Variants in GPR158 observed in about 807,000 individuals in gnomAD.
The protein encoded by GPR158 is G protein-coupled receptor 158, also known as metabotropic glycine receptor.
In GPR158, 30 loss-of-function variants were observed where a neutral mutation model predicts 78.2. The ratio of observed to expected loss-of-function variants is 0.38; its 90% CI spans 0.29 to 0.52. The LOEUF is 0.52. Ranked by LOEUF, GPR158 falls within the 20% of genes least tolerant of loss-of-function variation. The pLI, the probability that GPR158 is intolerant of heterozygous loss-of-function variation, is 0.83. For missense variants in GPR158, 1,463 were observed against 1,523.5 expected, an observed-to-expected ratio of 0.96 and a Z score of 0.66; for synonymous variants, 581 against 591.1, an observed-to-expected ratio of 0.98 and a Z score of 0.25.
intron 2 of GPR158, among the ~76,000 whole-genome samples, chr10:25,371,793 A>C (rs10741082): frequency 7.7e-6 from 1 of 130,064 alleles, no homozygotes; most frequent in East Asian, 2.0e-4. Context: ...GACATAGGCA[A>C]GGGCAAAGAC....
At chr10:25,509,372 T>G (rs1836053952) in intron 5 of GPR158, among the ~76,000 whole-genome samples, 3 of 152,174 alleles carry the variant, frequency 2.0e-5, no homozygotes, top group Admixed American at 2.0e-4. Context: ...AGCTTAGGCA[T>G]AAAACAGCTA....
At chr10:25,435,793 G>A (rs191657084) in intron 4 of GPR158, among the ~76,000 whole-genome samples, 1 of 152,320 alleles carries the variant, frequency 6.6e-6, no homozygotes, top group Non-Finnish European at 1.5e-5. Flanking sequence ...AGGGACAAGT[G>A]TAAAAGTGGG....
intron 5 of GPR158, among the ~76,000 whole-genome samples, chr10:25,524,099 A>G (rs1335472221): frequency 6.6e-6 from 1 of 152,228 alleles, no homozygotes; most frequent in African/African-American, 2.4e-5. Flanking sequence ...ATATTTACAA[A>G]TCTAATAAAA....
chr10:25,456,901 T>A (rs749214674), intron 4 of GPR158, among the ~76,000 whole-genome samples: 47 of 152,218 alleles, frequency 3.1e-4, no homozygotes, highest in South Asian at 2.1e-4. Context: ...ATCTTTAGAG[T>A]TTAATTATTA....
intron 1 of GPR158, among the ~76,000 whole-genome samples, chr10:25,187,888 C>T (rs535544031): frequency 1.2e-4 from 19 of 152,282 alleles, no homozygotes; most frequent in East Asian, 1.2e-3. Context: ...AAAACCCCAT[C>T]GTCTCAGCCC....
chr10:25,594,377 G>T lies in GPR158; in HGVS notation c.1978G>T (p.Gly660Trp). 6.4e-7 allele frequency: 1 copy of T among 1,551,424 alleles called. No individual in the cohort carries two copies. Residue 660 changes from glycine (G) to tryptophan (W), a missense_variant, in exon 9 of 11, where the codon GGG becomes TGG. Gly to Trp is a radical substitution (Grantham distance 184, BLOSUM62 -2). Transcript: ENST00000376351. The stretch of plus-strand genomic sequence containing the variant: ...TCATTTGACTGTGACAGTCACCATT[G>T]GGTTGCTTTTGATTCCAAAGGTATT... ...HTHLTVTVTI[G>W]LLLIPKFSHS...
chr10:25,466,815 C>CACA, intron 5 of GPR158, 96 bp downstream of exon 5: 2 of 547,294 alleles, frequency 3.7e-6, no homozygotes, highest in Non-Finnish European at 6.2e-6. Context: ...CATACACACA[C>CACA]CCTGGTGTTA....
rs138559717 is a variant in GPR158 at position 25,343,045 on chromosome 10, G to A, written c.1009-52866G>A. ...TGAAAGTCTCTGATTTGAGTAAACA[G>A]AGACTGATTAGATTATGAGCAAACT... On this transcript the variant is annotated intron_variant, in intron 2 of 10. Transcript: ENST00000376351. Among the ~76,000 whole-genome samples, 53 of 152,042 alleles carry A rather than the reference G, an allele frequency of 3.5e-4. No homozygotes were observed. In the East Asian group the frequency reaches 9.7e-3, roughly 28 times the overall value.
chr10:25,449,062 A>G (rs1426951671), intron 4 of GPR158, among the ~76,000 whole-genome samples: 1 of 152,220 alleles, frequency 6.6e-6, no homozygotes, highest in Admixed American at 6.5e-5. Context: ...ATTTTATGAC[A>G]TCATATTATT....
chr10:25,478,663 AC>A (rs1835622303), intron 5 of GPR158, among the ~76,000 whole-genome samples: 1 of 151,906 alleles, frequency 6.6e-6, no homozygotes, highest in Non-Finnish European at 1.5e-5. Context: ...TTTTTATTAT[AC>A]TTTAAGTTCT....
chr10:25,577,051 A>G (rs1232582989), intron 7 of GPR158, among the ~76,000 whole-genome samples: 1 of 152,092 alleles, frequency 6.6e-6, no homozygotes, highest in Non-Finnish European at 1.5e-5. Context: ...CATCTGAGAC[A>G]TGTGGCTGTT....
chr10:25,309,366 A>G (rs1854730005), intron 2 of GPR158, among the ~76,000 whole-genome samples: 1 of 151,748 alleles, frequency 6.6e-6, no homozygotes, highest in Admixed American at 6.6e-5. Context: ...TTAGCAAAAT[A>G]TCTATTCAAG....
intron 2 of GPR158, among the ~76,000 whole-genome samples, chr10:25,270,895 C>T (rs1854109284): frequency 6.6e-6 from 1 of 152,178 alleles, no homozygotes; most frequent in Non-Finnish European, 1.5e-5. Context: ...GACTGAAATG[C>T]TTAGTTTTTG....
chr10:25,328,659 C>T (rs888699089), intron 2 of GPR158, among the ~76,000 whole-genome samples: 6 of 151,728 alleles, frequency 4.0e-5, no homozygotes, highest in Non-Finnish European at 7.4e-5. Context: ...GGGCGTGGTA[C>T]CTCATGCCTG....
intron 4 of GPR158, among the ~76,000 whole-genome samples, 172 bp downstream of exon 4, chr10:25,412,645 A>T (rs986707531): frequency 2.6e-5 from 4 of 152,228 alleles, no homozygotes; most frequent in African/African-American, 4.8e-5. Flanking sequence ...AAAAATAGAG[A>T]TTAAAACATG....
At chr10:25,382,151 T>C (rs1588837137) in intron 2 of GPR158, among the ~76,000 whole-genome samples, 1 of 152,198 alleles carries the variant, frequency 6.6e-6, no homozygotes, top group Non-Finnish European at 1.5e-5. Flanking sequence ...TATCTGAAAG[T>C]GTCGAACATA....
intron 6 of GPR158, among the ~76,000 whole-genome samples, chr10:25,571,128 A>G (rs181983855): frequency 1.3e-4 from 20 of 151,956 alleles, no homozygotes; most frequent in Admixed American, 1.0e-3. Context: ...AGCGTTCACT[A>G]TGACATGGAT....
chr10:25,439,548 T>C (rs1206318102), intron 4 of GPR158, among the ~76,000 whole-genome samples: 1 of 152,188 alleles, frequency 6.6e-6, no homozygotes, highest in Admixed American at 6.5e-5. Flanking sequence ...ACCTTACCCA[T>C]TGGTTCTATC....
chr10:25,365,608 A>G (rs1197663328), intron 2 of GPR158, among the ~76,000 whole-genome samples: 1 of 151,730 alleles, frequency 6.6e-6, no homozygotes, highest in African/African-American at 2.4e-5. Flanking sequence ...TATATCTATC[A>G]GGAAGAATGG....
Sources: allele counts gnomAD v4.1 joint callset (sites outside exome capture counted in the v4.1 genomes callset), GRCh38; gene constraint gnomAD v4.1.1; transcripts MANE v1.5; gene names NCBI Gene and HGNC (gene_info 2026-07-23, HGNC 2026-07-21).